FGFR4: variants seen among roughly 807,000 people sequenced by gnomAD.
The protein encoded by FGFR4 is hydroxyaryl-protein kinase.
Under a neutral mutation model 89.9 loss-of-function variants are expected in FGFR4, and 63 were observed. The ratio of observed to expected loss-of-function variants is 0.70; its 90% CI spans 0.57 to 0.86. FGFR4 has a LOEUF of 0.86. FGFR4 is among the 40% of genes least tolerant of loss of function. The pLI, the probability that FGFR4 is intolerant of heterozygous loss-of-function variation, is 0.00. For synonymous variants in FGFR4, 486 were observed against 479.4 expected, an observed-to-expected ratio of 1.01 and a Z score of -0.18; for missense variants, 928 against 1,106.7, an observed-to-expected ratio of 0.84 and a Z score of 2.29.
chr5:177,096,180 G>T lies in FGFR4; in HGVS notation c.1944+1G>T. On this transcript the variant is annotated splice_donor_variant, in intron 14 of 17. Transcript: ENST00000292408. LOFTEE classifies it high-confidence loss of function. ...TGACTACTATAAGAAAACCAGCAAC[G>T]TGAGGGAGATGGGGCAGAACTGGAT... 1 of 1,613,998 alleles carries T rather than the reference G, an allele frequency of 6.2e-7. No homozygotes were observed. Among genetic ancestry groups the T allele is most frequent in the Non-Finnish European group, 8.5e-7 (1 of 1,179,912 alleles).
rs368002781 is a variant in FGFR4, at chr5:177,097,288, G to A, written c.2154-4G>A. ...CCTGTGACCCTCCGCCCCACCTCTC[G>A]CAGGTACGGGCTGATGCGTGAGTGC... On this transcript the variant is annotated splice_polypyrimidine_tract_variant and splice_region_variant and intron_variant, in intron 16 of 17. Transcript: ENST00000292408. 152 of 1,591,658 alleles carry A rather than the reference G, an allele frequency of 9.5e-5. No homozygotes were observed. The highest frequency in any genetic ancestry group is 1.0e-4 in the Non-Finnish European group (117 of 1,169,628).
chr5:177,087,671 C>T lies in FGFR4; in HGVS notation c.-54+594C>T, dbSNP rs1445845685. The T allele has an allele frequency of 1.8e-5, 18 of 983,332 alleles. No individual in the cohort carries two copies. The highest frequency in any genetic ancestry group is 2.2e-5 in the Non-Finnish European group (18 of 828,008). The allele number at this position is 983,332 out of a possible 1,614,324, so 60.9% of individuals were successfully genotyped here. A position where few individuals can be genotyped will look rare whatever the true frequency, so the allele number is the denominator to read the frequency against. ...ACTCCCCGGGCCTCCCCACCCACTC[C>T]CAGCCCAAGCTGTGTACCCAAAGAG... On this transcript the variant is annotated intron_variant, in intron 1 of 17. Coordinates refer to ENST00000292408, the MANE Select transcript of FGFR4 (RefSeq NM_213647.3). This position sits in a 1 kb window ranked among gnomAD's most constrained non-coding sequence, Gnocchi z 6.1.
intron 11 of FGFR4, among the ~76,000 whole-genome samples, chr5:177,094,456 T>C (rs1784479693): frequency 6.6e-6 from 1 of 152,040 alleles, no homozygotes; most frequent in Non-Finnish European, 1.5e-5. Flanking sequence ...TCACATCTCC[T>C]TGTCAGCCTC....
In FGFR4 at chr5:177,090,815, C is replaced by A; in HGVS notation, c.426C>A (p.Tyr142Ter). Residue 142 changes from tyrosine to a stop codon, truncating the protein, a stop_gained, in exon 4 of 18, where the codon TAC becomes TAA. Coordinates refer to ENST00000292408, the MANE Select transcript of FGFR4 (RefSeq NM_213647.3). LOFTEE classifies it high-confidence loss of function. ...SHRDPSNRHS[Y>*]PQQAPYWTHP... ...GGGACCCCTCGAATAGGCACAGTTACCCCCAGCAAGGTCAGTAGGTCTCCA... is the reference window on the plus strand; with the variant it reads ...GGGACCCCTCGAATAGGCACAGTTAACCCCAGCAAGGTCAGTAGGTCTCCA... 1 of 1,613,902 alleles carries A rather than the reference C, an allele frequency of 6.2e-7. No homozygotes were observed. Among genetic ancestry groups the A allele is most frequent in the Non-Finnish European group, 8.5e-7 (1 of 1,179,816 alleles).
At chr5:177,090,226 T>G in intron 2 of FGFR4, 164 bp from the exon 3 acceptor site, 1 of 959,738 alleles carries the variant, frequency 1.0e-6, no homozygotes, top group Non-Finnish European at 1.6e-6. Flanking sequence ...TTGCCCTGGG[T>G]GTGGCATCCG....
At position 177,096,953 on chromosome 5, in the gene FGFR4, CT is replaced by C. The variant is rs1465812803; in HGVS notation, c.2153+214del. Reference sequence around the variant, plus strand: ...CCTCTTCCTCCTCCTCCTCTTCCTCCTTCTCCTCCTGCTCCTCTTCCTCCTC... The same window carrying C: ...CCTCTTCCTCCTCCTCCTCTTCCTCCTCTCCTCCTGCTCCTCTTCCTCCTC... On this transcript the variant is annotated intron_variant, in intron 16 of 17. Coordinates refer to ENST00000292408, the MANE Select transcript of FGFR4 (RefSeq NM_213647.3). Among the ~76,000 whole-genome samples, 262 of 54,152 alleles carry C rather than the reference CT, an allele frequency of 4.8e-3. 4 individuals carry two copies. The highest frequency in any genetic ancestry group is 8.9e-3 in the African/African-American group (122 of 13,774). 35.5% of individuals were successfully genotyped at this position (54,152 alleles called of 152,430 possible). A position where few individuals can be genotyped will look rare whatever the true frequency, so the allele number is the denominator to read the frequency against.
chr5:177,087,737 C>T lies in FGFR4; in HGVS notation c.-54+660C>T. On this transcript the variant is annotated intron_variant, in intron 1 of 17. Transcript: ENST00000292408. This position sits in a 1 kb window ranked among gnomAD's most constrained non-coding sequence, Gnocchi z 6.1. The stretch of plus-strand genomic sequence containing the variant: ...AGCCGAGCTTGGTAGGGAGTTTTAC[C>T]AAGGAGGATCCGACTGGATTCGAGA... 1 of 707,338 alleles carries T rather than the reference C, an allele frequency of 1.4e-6. No homozygotes were observed. Among genetic ancestry groups the T allele is most frequent in the East Asian group, 1.3e-4 (1 of 7,428 alleles). 43.8% of individuals were successfully genotyped at this position (707,338 alleles called of 1,614,324 possible). A position where few individuals can be genotyped will look rare whatever the true frequency, so the allele number is the denominator to read the frequency against.
intron 16 of FGFR4, 112 bp downstream of exon 16, chr5:177,096,853 C>T (rs1050812259): frequency 1.1e-5 from 14 of 1,229,738 alleles, no homozygotes; most frequent in Admixed American, 2.1e-5. Context: ...AACAACTCCT[C>T]GTCCTCCTCC....
rs1029375431 is a variant in FGFR4 at position 177,090,767 on chromosome 5, T to C, written c.378T>C (p.Asp126=). The C allele has an allele frequency of 1.2e-6, 2 of 1,610,126 alleles. No individual in the cohort carries two copies. Among genetic ancestry groups the C allele is most frequent in the Non-Finnish European group, 1.7e-6 (2 of 1,177,192 alleles). ...ITGDSLTSSN[D]DEDPKSHRDP... ...TAGACTCCTTGACCTCCAGCAACGA[T>C]GATGAGGACCCCAAGTCCCATAGGG... The change falls in exon 4 of 18, where the codon GAT becomes GAC. Residue 126 remains aspartate, a synonymous_variant. Transcript: ENST00000292408.
chr5:177,096,878 CTCCTCCTCCTCTTCCTCCTCCTCCTCT>C lies in FGFR4; in HGVS notation c.2153+176_2153+202del, dbSNP rs1562077447. 5.0e-4 allele frequency: 411 copies of C among 823,034 alleles called. 8 individuals are homozygous for C. The highest frequency in any genetic ancestry group is 2.5e-3 in the Middle Eastern group (7 of 2,854). 51.0% of individuals were successfully genotyped at this position (823,034 alleles called of 1,614,324 possible). A position where few individuals can be genotyped will look rare whatever the true frequency, so the allele number is the denominator to read the frequency against. On this transcript the variant is annotated intron_variant, in intron 16 of 17. Coordinates refer to ENST00000292408, the MANE Select transcript of FGFR4 (RefSeq NM_213647.3). ...CGTCCTCCTCCTCCTCTTCCTCTTC[CTCCTCCTCCTCTTCCTCCTCCTCCTCT>C]TCCTCCTCCTCTTCCTCCTCCTCCT...
Position 177,097,965 on chromosome 5 carries a change from A to T in FGFR4, c.*289A>T. On this transcript the variant is annotated 3_prime_UTR_variant, in exon 18 of 18. Transcript: ENST00000292408. ...GCTAAACCTCCTGCCTCCCAATACC[A>T]GCAGGAGGTTCTGGGCCTCTGAACC... 2.9e-6 allele frequency: 1 copy of T among 345,000 alleles called. No homozygotes were observed. The highest frequency in any genetic ancestry group is 5.3e-6 in the Non-Finnish European group (1 of 189,682). The allele number at this position is 345,000 out of a possible 1,614,324, so 21.4% of individuals were successfully genotyped here.
chr5:177,093,917 GAA>G lies in FGFR4; in HGVS notation c.1519+145_1519+146del. 9.6e-7 allele frequency: 1 copy of G among 1,040,196 alleles called. No homozygotes were observed. The highest frequency in any genetic ancestry group is 1.7e-5 in the South Asian group (1 of 58,598). The allele number at this position is 1,040,196 out of a possible 1,614,324, so 64.4% of individuals were successfully genotyped here. A position where few individuals can be genotyped will look rare whatever the true frequency, so the allele number is the denominator to read the frequency against. On this transcript the variant is annotated intron_variant, in intron 11 of 17. Transcript: ENST00000292408. This position sits in a 1 kb window ranked among gnomAD's most constrained non-coding sequence, Gnocchi z 5.8. ...CTTCATCTCTACAAAAAAAAAATAA[GAA>G]AATTAGTTGGGTGTGGTGGTGTGTG...
Position 177,093,317 on chromosome 5 carries a change from C to T in FGFR4, c.1237C>T (p.Pro413Ser), listed in dbSNP as rs965587225. The change falls in exon 9 of 18, where the codon CCT (proline) becomes TCT (serine). Residue 413 changes from proline (P) to serine (S), a missense_variant. By Grantham distance (74) the Pro-to-Ser change is moderately conservative. Around this residue, in one of 5 missense-constraint regions of FGFR4, gnomAD observed 741 missense variants for 836.9 expected, o/e 0.89. Coordinates refer to ENST00000292408, the MANE Select transcript of FGFR4 (RefSeq NM_213647.3). The surrounding 1 kb of genome is among the most constrained non-coding windows in gnomAD (Gnocchi z 5.8). ...CACTGTGCAGAAGCTCTCCCGCTTCCCTCTGGCCCGACAGGTACTGGGCGC... is the reference window on the plus strand; with the variant it reads ...CACTGTGCAGAAGCTCTCCCGCTTCTCTCTGGCCCGACAGGTACTGGGCGC... ...PATVQKLSRF[P>S]LARQFSLESG... 3 of 1,613,866 alleles carry T rather than the reference C, an allele frequency of 1.9e-6. No homozygotes were observed. Among genetic ancestry groups the T allele is most frequent in the Admixed American group, 1.7e-5 (1 of 60,030 alleles).
Position 177,095,695 on chromosome 5 carries a change from G to T in FGFR4, c.1793G>T (p.Arg598Leu). Residue 598 changes from arginine to leucine, a missense_variant, in exon 13 of 18, where the codon CGA (arginine) becomes CTA (leucine). Transcript: ENST00000292408. This position sits in a 1 kb window ranked among gnomAD's most constrained non-coding sequence, Gnocchi z 5.7. ...GTCTCCTGCGCCTACCAGGTGGCCC[G>T]AGGCATGCAGTATCTGGAGTCCCGG... ...VLVSCAYQVA[R>L]GMQYLESRKC... The T allele has an allele frequency of 6.2e-7, 1 of 1,608,334 alleles. No individual in the cohort carries two copies. Among genetic ancestry groups the T allele is most frequent in the Non-Finnish European group, 8.5e-7 (1 of 1,178,640 alleles).
chr5:177,097,434 C>A (rs1373968931), intron 17 of FGFR4, 37 bp downstream of exon 17: 11 of 1,602,790 alleles, frequency 6.9e-6, no homozygotes, highest in Admixed American at 1.7e-5. Context: ...CCTCTGCCTG[C>A]TCCCCTCCAG....
In FGFR4 at chr5:177,093,798, G is replaced by T. The variant is rs747454035; in HGVS notation, c.1519+23G>T. 23 of 1,601,606 alleles carry T rather than the reference G, an allele frequency of 1.4e-5. No individual in the cohort carries two copies. The highest frequency in any genetic ancestry group is 2.0e-5 in the Non-Finnish European group (23 of 1,172,088). On this transcript the variant is annotated intron_variant, in intron 11 of 17. Transcript: ENST00000292408. This position sits in a 1 kb window ranked among gnomAD's most constrained non-coding sequence, Gnocchi z 5.8. ...AAGGTGAGTGTGGCCCGGTGTGGTG[G>T]CTCACACCTGTAACGCCAGCACTTT...
Position 177,095,223 on chromosome 5 carries a change from T to C in FGFR4, c.1520-107T>C. 1.1e-6 allele frequency: 1 copy of C among 899,120 alleles called. No homozygotes were observed. The highest frequency in any genetic ancestry group is 1.8e-6 in the Non-Finnish European group (1 of 543,896). 55.7% of individuals were successfully genotyped at this position (899,120 alleles called of 1,614,324 possible). A position where few individuals can be genotyped will look rare whatever the true frequency, so the allele number is the denominator to read the frequency against. ...ACACAGCCTAGCAAGGATTCAGCCC[T>C]AGACCTACGTAGCCCTGGTCCAGTG... On this transcript the variant is annotated intron_variant, in intron 11 of 17. Transcript: ENST00000292408. The surrounding 1 kb of genome is among the most constrained non-coding windows in gnomAD (Gnocchi z 5.7).
intron 2 of FGFR4, 184 bp downstream of exon 2, chr5:177,089,877 G>A: frequency 1.2e-6 from 1 of 829,022 alleles, no homozygotes; most frequent in East Asian, 2.7e-5. Context: ...ATCTATCACT[G>A]TGTCTGCGAG....
chr5:177,089,879 G>A, intron 2 of FGFR4, 186 bp downstream of exon 2: 1 of 823,936 alleles, frequency 1.2e-6, no homozygotes, highest in East Asian at 2.7e-5. Context: ...CTATCACTGT[G>A]TCTGCGAGAG....
Sources: allele counts gnomAD v4.1 joint callset (sites outside exome capture counted in the v4.1 genomes callset), GRCh38; gene constraint gnomAD v4.1.1; regional missense constraint gnomAD v4.1.1; non-coding constraint Gnocchi (gnomAD v3.1); transcripts MANE v1.5; gene names NCBI Gene and HGNC (gene_info 2026-07-23, HGNC 2026-07-21).